Variants in COL25A1 observed in about 807,000 individuals in gnomAD.
The protein encoded by COL25A1 is collagen type XXV alpha 1 chain.
COL25A1 carries 103 observed loss-of-function variants against 128.4 expected under a neutral mutation model. The observed-to-expected ratio is 0.80, with a 90% CI of 0.68 to 0.94. The LOEUF (loss-of-function observed/expected upper bound fraction) is 0.94, where lower values mean the gene tolerates loss of function less well. Among genes scored for constraint, COL25A1 ranks in the 40% least tolerant of loss-of-function variants. The pLI is 0.00. For synonymous variants in COL25A1, 279 were observed against 277.2 expected, an observed-to-expected ratio of 1.01 and a Z score of -0.06; for missense variants, 745 against 840.0, an observed-to-expected ratio of 0.89 and a Z score of 1.40.
chr4:108,870,862 C>T (rs1738623366), intron 19 of COL25A1, among the ~76,000 whole-genome samples: 1 of 152,064 alleles, frequency 6.6e-6, no homozygotes, highest in Non-Finnish European at 1.5e-5. Context: ...TGAAAGTTTA[C>T]ACGGAAACCA....
chr4:109,122,473 G>A (rs144340313), intron 3 of COL25A1, among the ~76,000 whole-genome samples: 6 of 152,000 alleles, frequency 3.9e-5, no homozygotes, highest in African/African-American at 1.4e-4. Flanking sequence ...GAGGGGAATC[G>A]AGGGGAGAAG....
chr4:109,127,081 A>G (rs1256574584), intron 3 of COL25A1, among the ~76,000 whole-genome samples: 1 of 152,212 alleles, frequency 6.6e-6, no homozygotes, highest in Non-Finnish European at 1.5e-5. Flanking sequence ...TCATAATCAC[A>G]TGGCTCAAGG....
intron 3 of COL25A1, among the ~76,000 whole-genome samples, chr4:109,200,878 T>C (rs1776508016): frequency 6.6e-6 from 1 of 152,176 alleles, no homozygotes; most frequent in Non-Finnish European, 1.5e-5. Context: ...CATTCACTTG[T>C]ATAGCTTCAG....
intron 3 of COL25A1, among the ~76,000 whole-genome samples, chr4:109,197,510 ATATT>A (rs1223553979): frequency 7.6e-6 from 1 of 131,748 alleles, no homozygotes; most frequent in Non-Finnish European, 1.6e-5. Flanking sequence ...ATATTATATA[ATATT>A]TATATATAAT....
chr4:108,931,354 G>C (rs79987413), intron 11 of COL25A1, among the ~76,000 whole-genome samples: 5,234 of 152,216 alleles, frequency 0.034, 145 homozygotes, highest in African/African-American at 0.06. Flanking sequence ...CCAAATGATA[G>C]AGCTTATTAG....
chr4:109,266,949 C>T (rs1327295350), intron 3 of COL25A1, among the ~76,000 whole-genome samples: 1 of 152,114 alleles, frequency 6.6e-6, no homozygotes, highest in Non-Finnish European at 1.5e-5. Flanking sequence ...AATCTGCCTG[C>T]TAAATGGCAA....
intron 3 of COL25A1, among the ~76,000 whole-genome samples, chr4:109,180,222 A>G (rs1337047247): frequency 6.6e-6 from 1 of 152,188 alleles, no homozygotes; most frequent in Non-Finnish European, 1.5e-5. Flanking sequence ...AAATGACCAT[A>G]ACATAAGACC....
intron 3 of COL25A1, among the ~76,000 whole-genome samples, chr4:109,140,917 C>A (rs1770336152): frequency 6.6e-6 from 1 of 152,156 alleles, no homozygotes; most frequent in Admixed American, 6.5e-5. Context: ...TATGTGAATA[C>A]CCTTTATTTC....
chr4:109,016,002 T>C (rs111855891), intron 5 of COL25A1, among the ~76,000 whole-genome samples: 10,093 of 152,286 alleles, frequency 0.066, 511 homozygotes, highest in Admixed American at 0.15. Context: ...GCAGGATCCC[T>C]GCCCCCTACT....
intron 8 of COL25A1, among the ~76,000 whole-genome samples, chr4:108,964,044 TATC>T (rs998686226): frequency 6.6e-6 from 1 of 150,576 alleles, no homozygotes; most frequent in African/African-American, 2.4e-5. Flanking sequence ...ATGTAAATAA[TATC>T]ATAATTAAAT....
chr4:109,163,157 T>C (rs1578328250), intron 3 of COL25A1, among the ~76,000 whole-genome samples: 1 of 152,150 alleles, frequency 6.6e-6, no homozygotes, highest in Non-Finnish European at 1.5e-5. Flanking sequence ...GCTAGGATGT[T>C]AAGCTTCTGA....
intron 13 of COL25A1, among the ~76,000 whole-genome samples, chr4:108,915,547 A>G (rs996875002): frequency 6.6e-6 from 1 of 152,120 alleles, no homozygotes; most frequent in African/African-American, 2.4e-5. Flanking sequence ...TTTCAAACAT[A>G]AGAAAATAAT....
chr4:108,952,861 T>C (rs1038719584), intron 8 of COL25A1, among the ~76,000 whole-genome samples: 2 of 118,354 alleles, frequency 1.7e-5, no homozygotes, highest in African/African-American at 6.0e-5. Flanking sequence ...TTTTTTGGCA[T>C]GTTTCATGCT....
chr4:109,070,386 C>T (rs1457833174), intron 3 of COL25A1, among the ~76,000 whole-genome samples: 4 of 151,184 alleles, frequency 2.6e-5, no homozygotes, highest in Non-Finnish European at 5.9e-5. Context: ...CTTAATCCCA[C>T]ATCATAAGCC....
chr4:109,105,164 T>C (rs1766304942), intron 3 of COL25A1, among the ~76,000 whole-genome samples: 1 of 152,182 alleles, frequency 6.6e-6, no homozygotes, highest in African/African-American at 2.4e-5. Context: ...TTTGTTTTTA[T>C]AATTTTCTGT....
At chr4:109,064,690 G>A (rs1762258852) in intron 3 of COL25A1, among the ~76,000 whole-genome samples, 1 of 152,178 alleles carries the variant, frequency 6.6e-6, no homozygotes, top group Non-Finnish European at 1.5e-5. Context: ...CAGAATATTA[G>A]ACTTCTTATC....
At chr4:109,018,494 G>C (rs189214485) in intron 5 of COL25A1, among the ~76,000 whole-genome samples, 47 of 152,148 alleles carry the variant, frequency 3.1e-4, no homozygotes, top group African/African-American at 1.1e-3. Context: ...AAAGTGCTGG[G>C]ATTACAGGCG....
chr4:109,286,254 C>A (rs562815878), intron 3 of COL25A1, among the ~76,000 whole-genome samples: 1 of 152,234 alleles, frequency 6.6e-6, no homozygotes, highest in East Asian at 1.9e-4. Context: ...TTGTTATATG[C>A]ATGGAATCAT....
At chr4:109,012,110 T>G (rs1458545971) in intron 5 of COL25A1, among the ~76,000 whole-genome samples, 1 of 152,240 alleles carries the variant, frequency 6.6e-6, no homozygotes, top group Non-Finnish European at 1.5e-5. Context: ...ACTCCCAGGC[T>G]CAAGTGATCC....
Sources: gnomAD v4.1 joint callset for allele counts (sites outside exome capture counted in the v4.1 genomes callset) on GRCh38, gnomAD v4.1.1 for gene constraint, MANE v1.5 for transcripts, NCBI Gene and HGNC (gene_info 2026-07-23, HGNC 2026-07-21) for gene names.